SLC44A2: variants seen among roughly 807,000 people sequenced by gnomAD.
The protein encoded by SLC44A2 is choline transporter-like protein 2.
In SLC44A2, 57 loss-of-function variants were observed where a neutral mutation model predicts 90.8. The ratio of observed to expected loss-of-function variants is 0.63; its 90% CI spans 0.51 to 0.78. The LOEUF is 0.78. SLC44A2 is among the 30% of genes least tolerant of loss of function. The probability of loss-of-function intolerance (pLI) is 0.00; values close to 1 mark genes in which losing one functional copy is unlikely to be tolerated. For missense variants in SLC44A2, 794 were observed against 919.7 expected, an observed-to-expected ratio of 0.86 and a Z score of 1.77; for synonymous variants, 355 against 360.7, an observed-to-expected ratio of 0.98 and a Z score of 0.18.
rs570567655 is a variant in SLC44A2 at position 10,643,697 on chromosome 19, C to T, written c.*312C>T. ...AAGCTCCCTCATGCTTCCTGTCCCC[C>T]GCTTACACGACAACGGGCCAGACCA... On this transcript the variant is annotated 3_prime_UTR_variant, in exon 22 of 22. Coordinates refer to ENST00000335757, the MANE Select transcript of SLC44A2 (RefSeq NM_020428.4). 2.0e-5 allele frequency: 5 copies of T among 253,980 alleles called. No individual in the cohort carries two copies. The highest frequency in any genetic ancestry group is 6.8e-5 in the African/African-American group (3 of 44,316). 15.7% of individuals were successfully genotyped at this position (253,980 alleles called of 1,614,324 possible). A position where few individuals can be genotyped will look rare whatever the true frequency, so the allele number is the denominator to read the frequency against.
chr19:10,629,499 A>C (rs2066970816), intron 4 of SLC44A2, among the ~76,000 whole-genome samples: 1 of 151,376 alleles, frequency 6.6e-6, no homozygotes, highest in Non-Finnish European at 1.5e-5. Context: ...GCTGGTCTCG[A>C]ACTCCTGACC....
At chr19:10,642,030 C>T (rs951313594) in intron 20 of SLC44A2, among the ~76,000 whole-genome samples, 5 of 151,892 alleles carry the variant, frequency 3.3e-5, no homozygotes, top group South Asian at 2.1e-4. Context: ...CGTGGTGGCA[C>T]GTGCCTGTAG....
At chr19:10,606,765 C>T (rs1918115616) in intron 1 of SLC44A2, among the ~76,000 whole-genome samples, 1 of 151,634 alleles carries the variant, frequency 6.6e-6, no homozygotes, top group African/African-American at 2.4e-5. Context: ...GAGCTGAGAT[C>T]GTGCCATTTC....
rs909318674 is a variant in SLC44A2, at chr19:10,618,037, C to A, written c.32-8216C>A. On this transcript the variant is annotated intron_variant, in intron 1 of 21. Transcript: ENST00000407327. ...TTTTTTTCTTTTAGACAGTTTCACT[C>A]TTCTCATCCAGGCTGGAAGTGCAGT... Among the ~76,000 whole-genome samples, 4 of 152,180 alleles carry A rather than the reference C, an allele frequency of 2.6e-5. 1 individual carries two copies. The highest frequency in any genetic ancestry group is 6.8e-3 in the Middle Eastern group (2 of 294).
rs2067072732 is a variant in SLC44A2 at position 10,637,680 on chromosome 19, G to A, written c.1628G>A (p.Cys543Tyr). ...ENKFAKCLMT[C>Y]LKCCFWCLEK... is the part of the protein sequence containing the mutation. ...AAGTTTGCCAAGTGCCTCATGACCT[G>A]TCTCAAATGCTGCTTCTGGTGCCTG... is the stretch of plus-strand genomic sequence containing the variant. The change falls in exon 17 of 22, where the codon TGT becomes TAT. Residue 543 changes from cysteine to tyrosine, a missense_variant. By Grantham distance (194) the Cys-to-Tyr change is radical (BLOSUM62 -2). Around this residue, in one of 3 missense-constraint regions of SLC44A2, gnomAD observed 738 missense variants for 841.1 expected, o/e 0.88. Transcript: ENST00000335757. The A allele has an allele frequency of 6.2e-7, 1 of 1,614,104 alleles. No individual in the cohort carries two copies. Among genetic ancestry groups the A allele is most frequent in the Non-Finnish European group, 8.5e-7 (1 of 1,180,028 alleles).
At chr19:10,630,055 A>C (rs2066977494) in intron 4 of SLC44A2, among the ~76,000 whole-genome samples, 1 of 152,074 alleles carries the variant, frequency 6.6e-6, no homozygotes, top group African/African-American at 2.4e-5. Flanking sequence ...GCACCCGGCC[A>C]TATAAAATAT....
exon 1 of SLC44A2, chr19:10,602,517 GC>G: frequency 7.9e-7 from 1 of 1,270,104 alleles, no homozygotes; most frequent in Non-Finnish European, 1.0e-6. Flanking sequence ...TCCGCTCCCC[GC>G]CCCGCCGCGG....
At chr19:10,643,032 C>T in intron 21 of SLC44A2, 1 of 1,516,454 alleles carries the variant, frequency 6.6e-7, no homozygotes, top group Non-Finnish European at 8.8e-7. Context: ...GTGAGGGAGA[C>T]TGGCGTGGGG....
intron 1 of SLC44A2, among the ~76,000 whole-genome samples, chr19:10,603,301 C>T (rs1287274393): frequency 6.6e-6 from 1 of 152,166 alleles, no homozygotes; most frequent in Non-Finnish European, 1.5e-5. Flanking sequence ...GTGCCGCCCT[C>T]CCCTGAATTC....
At chr19:10,613,963 A>T (rs985436567) in intron 1 of SLC44A2, among the ~76,000 whole-genome samples, 2 of 151,774 alleles carry the variant, frequency 1.3e-5, no homozygotes, top group Non-Finnish European at 2.9e-5. Context: ...GTTTTTATTT[A>T]TTATTATTAT....
At chr19:10,606,876 T>TGTAC (rs1918119185) in intron 1 of SLC44A2, among the ~76,000 whole-genome samples, 1 of 150,572 alleles carries the variant, frequency 6.6e-6, no homozygotes, top group African/African-American at 2.4e-5. Flanking sequence ...TATGTATGTA[T>TGTAC]GTATGTATGT....
At chr19:10,619,238 GGGCAACAT>G (rs1393752441) in intron 1 of SLC44A2, among the ~76,000 whole-genome samples, 1 of 151,280 alleles carries the variant, frequency 6.6e-6, no homozygotes, top group African/African-American at 2.4e-5. Context: ...GAGACCAGCT[GGGCAACAT>G]GGCAAAGCCC....
In SLC44A2 at chr19:10,635,445, C is replaced by T. The variant is rs527263725; in HGVS notation, c.1163C>T (p.Ser388Phe). The change falls in exon 14 of 22, where the codon TCC becomes TTC. Residue 388 changes from serine to phenylalanine, a missense_variant. Ser to Phe is a radical substitution (Grantham distance 155). This residue lies in a region of SLC44A2 where 738 missense variants were observed against 841.1 expected (regional missense o/e 0.88). Transcript: ENST00000335757. ...CGAACCTCCAGCTTCCTGTCCACTT[C>T]CAACGAAGCGGTCTATAAGATCTTT... ...WASTAVFLST[S>F]NEAVYKIFDD... 1 of 1,614,146 alleles carries T rather than the reference C, an allele frequency of 6.2e-7. No homozygotes were observed. Among genetic ancestry groups the T allele is most frequent in the African/African-American group, 1.3e-5 (1 of 75,056 alleles).
intron 20 of SLC44A2, among the ~76,000 whole-genome samples, chr19:10,639,037 G>A (rs892108500): frequency 1.3e-5 from 2 of 152,094 alleles, no homozygotes; most frequent in Non-Finnish European, 1.5e-5. Context: ...GACCTCAGGT[G>A]ATCCACCCGC....
At chr19:10,618,980 T>TG (rs2066877659) in intron 1 of SLC44A2, among the ~76,000 whole-genome samples, 1 of 146,824 alleles carries the variant, frequency 6.8e-6, no homozygotes, top group Non-Finnish European at 1.5e-5. Context: ...TTTTTTTTTT[T>TG]TGGATACAGG....
In SLC44A2 at chr19:10,616,330, C is replaced by T. The variant is rs951631374; in HGVS notation, c.32-9923C>T. Among the ~76,000 whole-genome samples, 12 of 152,104 alleles carry T rather than the reference C, an allele frequency of 7.9e-5. No individual in the cohort carries two copies. In the South Asian group the frequency reaches 1.0e-3, roughly 13 times the overall value. ...TCTGCAACCTCCGTCTCCCCCGGCTCAAAGATTCTCTCACCTCAGGCTCGC... is the reference window on the plus strand; with the variant it reads ...TCTGCAACCTCCGTCTCCCCCGGCTTAAAGATTCTCTCACCTCAGGCTCGC... On this transcript the variant is annotated intron_variant, in intron 1 of 21. Coordinates refer to the SLC44A2 transcript ENST00000407327.
intron 1 of SLC44A2, among the ~76,000 whole-genome samples, chr19:10,606,539 A>G (rs1918108910): frequency 6.6e-6 from 1 of 151,656 alleles, no homozygotes; most frequent in Admixed American, 6.6e-5. Flanking sequence ...GGCTGGGCAC[A>G]GTGGCTCACG....
Position 10,625,759 on chromosome 19 carries a change from G to A in SLC44A2, c.37+89G>A, listed in dbSNP as rs3745240. The A allele has an allele frequency of 0.018, 19,994 of 1,116,478 alleles. 2,486 individuals are homozygous for A. In the East Asian group the frequency reaches 0.37, roughly 21 times the overall value. 69.2% of individuals were successfully genotyped at this position (1,116,478 alleles called of 1,614,324 possible). A position where few individuals can be genotyped will look rare whatever the true frequency, so the allele number is the denominator to read the frequency against. On this transcript the variant is annotated intron_variant, in intron 1 of 21. Transcript: ENST00000335757. ...GAGAACATGGGGCGCAGGGAAGGGG[G>A]CTGGAGGGGGAGCGCAATTGCAAAT...
At chr19:10,629,035 C>T (rs1012843547) in intron 4 of SLC44A2, among the ~76,000 whole-genome samples, 2 of 151,720 alleles carry the variant, frequency 1.3e-5, no homozygotes, top group Non-Finnish European at 2.9e-5. Flanking sequence ...AACCCCGTCT[C>T]TACTAAAAAT....
Sources: allele counts gnomAD v4.1 joint callset (sites outside exome capture counted in the v4.1 genomes callset), GRCh38; gene constraint gnomAD v4.1.1; regional missense constraint gnomAD v4.1.1; transcripts MANE v1.5; gene names NCBI Gene and HGNC (gene_info 2026-07-23, HGNC 2026-07-21).